The following SPINK8 variants were observed in gnomAD, a reference collection of about 807,000 sequenced individuals.
The protein encoded by SPINK8 is serine peptidase inhibitor Kazal type 8 (putative), also known as serine protease inhibitor Kazal-type 8.
In SPINK8, 12 loss-of-function variants were observed where a neutral mutation model predicts 14.4. The observed-to-expected ratio is 0.83, with a 90% CI of 0.53 to 1.35. SPINK8 has a LOEUF of 1.35. Ranked by LOEUF, SPINK8 falls within the 40% of genes most tolerant of loss-of-function variation. SPINK8 has a pLI of 0.00. For missense variants in SPINK8, 103 were observed against 117.0 expected (o/e 0.88, Z 0.55); for synonymous variants, 32 against 37.6 (o/e 0.85, Z 0.55).
intron 4 of SPINK8, among the ~76,000 whole-genome samples, chr3:48,324,638 C>A (rs2036115984): frequency 6.6e-6 from 1 of 152,070 alleles, no homozygotes; most frequent in African/African-American, 2.4e-5. Flanking sequence ...ATAAACATTT[C>A]TATATAGTAG....
chr3:48,319,423 T>C, intron 6 of SPINK8, 74 bp downstream of exon 6: 1 of 1,559,204 alleles, frequency 6.4e-7, no homozygotes, highest in Non-Finnish European at 8.8e-7. Context: ...GGAAGTGGGC[T>C]GAGGTCATCA....
chr3:48,313,969 A>C (rs895958135), intron 6 of SPINK8, among the ~76,000 whole-genome samples: 3 of 152,200 alleles, frequency 2.0e-5, no homozygotes, highest in African/African-American at 7.2e-5. Context: ...GGGAATGGGA[A>C]GTTAACTGCT....
intron 6 of SPINK8, among the ~76,000 whole-genome samples, chr3:48,314,400 C>T (rs2035959435): frequency 6.6e-6 from 1 of 152,100 alleles, no homozygotes; most frequent in Non-Finnish European, 1.5e-5. Flanking sequence ...ATTGCTGCTT[C>T]TCAGTAAGAA....
intron 6 of SPINK8, among the ~76,000 whole-genome samples, chr3:48,315,246 TC>T (rs1243604697): frequency 6.6e-6 from 1 of 152,192 alleles, no homozygotes; most frequent in Non-Finnish European, 1.5e-5. Context: ...GAATCTGATT[TC>T]CAGAGTTGCC....
At chr3:48,319,432 C>T (rs2036039154) in intron 6 of SPINK8, 65 bp downstream of exon 6, 1 of 1,589,872 alleles carries the variant, frequency 6.3e-7, no homozygotes, top group Admixed American at 1.7e-5. Flanking sequence ...CTGAGGTCAT[C>T]ACCCTCTTTT....
intron 6 of SPINK8, among the ~76,000 whole-genome samples, chr3:48,314,683 C>A (rs1357817319): frequency 6.6e-6 from 1 of 152,132 alleles, no homozygotes; most frequent in East Asian, 1.9e-4. Flanking sequence ...AGCCTTTTCC[C>A]TGGGAAAATT....
chr3:48,332,318 G>A lies in SPINK8; in HGVS notation c.-136+48C>T, dbSNP rs144527084. Among the ~76,000 whole-genome samples the A allele has an allele frequency of 2.0e-3, 300 of 152,194 alleles. 1 individual carries two copies. Among genetic ancestry groups the A allele is most frequent in the African/African-American group, 3.1e-3 (130 of 41,524 alleles). On this transcript the variant is annotated intron_variant, in intron 2 of 7. Coordinates refer to ENST00000434006, the MANE Select transcript of SPINK8 (RefSeq NM_001080525.3). ...TTAAGTTTTGTTCCAGGCCTAAGGC[G>A]GATTTTGAAGTTTTTTTCTAATGTC... is the stretch of plus-strand genomic sequence containing the variant.
intron 6 of SPINK8, among the ~76,000 whole-genome samples, chr3:48,314,817 G>C (rs1250175580): frequency 6.6e-6 from 1 of 152,174 alleles, no homozygotes; most frequent in Non-Finnish European, 1.5e-5. Context: ...GTCCATAGGA[G>C]GTTTTGAAAA....
At chr3:48,312,996 C>CAAAAAA (rs57016387) in intron 6 of SPINK8, among the ~76,000 whole-genome samples, 1 of 122,018 alleles carries the variant, frequency 8.2e-6, no homozygotes, top group Non-Finnish European at 1.7e-5. Flanking sequence ...GACTCTGTCT[C>CAAAAAA]AAAAAAAAAA....
chr3:48,319,618 C>T lies in SPINK8; in HGVS notation c.118G>A (p.Val40Ile). 6.2e-7 allele frequency: 1 copy of T among 1,613,812 alleles called. No homozygotes were observed. Among genetic ancestry groups the T allele is most frequent in the Non-Finnish European group, 8.5e-7 (1 of 1,179,832 alleles). Residue 40 changes from valine (V) to isoleucine (I), a missense_variant and splice_region_variant, in exon 6 of 8, where the codon GTT becomes ATT. Transcript: ENST00000434006. ...TTATTTACATTCTTGAGGCATTCAACCTGAAGGTGAGACACACACAACTGC... is the reference window on the plus strand; with the variant it reads ...TTATTTACATTCTTGAGGCATTCAATCTGAAGGTGAGACACACACAACTGC... ...SERGQLDKTI[V>I]ECLKNVNKCW...
intron 2 of SPINK8, among the ~76,000 whole-genome samples, chr3:48,331,382 A>T (rs1445754607): frequency 2.6e-5 from 4 of 152,012 alleles, no homozygotes; most frequent in African/African-American, 9.7e-5. Context: ...CTTTGGCTTC[A>T]ATATCTGCTT....
intron 4 of SPINK8, among the ~76,000 whole-genome samples, chr3:48,326,500 G>A (rs2036143429): frequency 6.6e-6 from 1 of 151,878 alleles, no homozygotes; most frequent in African/African-American, 2.4e-5. Context: ...CTAGCTACTT[G>A]GAAGGCTGAG....
rs145141749 is a variant in SPINK8 at position 48,330,207 on chromosome 3, A to G, written c.-135-933T>C. On this transcript the variant is annotated intron_variant, in intron 2 of 7. Coordinates refer to ENST00000434006, the MANE Select transcript of SPINK8 (RefSeq NM_001080525.3). ...CTGCTTATATATATTTTTAAGTTAC[A>G]TGTAAAATTTTCCATCAGAAATTTT... Among the ~76,000 whole-genome samples the G allele has an allele frequency of 1.6e-4, 24 of 152,258 alleles. No individual in the cohort carries two copies. The East Asian group carries it at 4.4e-3, about 28-fold the overall frequency.
At chr3:48,318,262 TC>T (rs2036020997) in intron 6 of SPINK8, among the ~76,000 whole-genome samples, 1 of 152,158 alleles carries the variant, frequency 6.6e-6, no homozygotes, top group African/African-American at 2.4e-5. Context: ...TGCCTCATCC[TC>T]CTGAGTAGCT....
chr3:48,317,523 T>G (rs899921033), intron 6 of SPINK8, among the ~76,000 whole-genome samples: 2 of 152,068 alleles, frequency 1.3e-5, no homozygotes, highest in Admixed American at 1.3e-4. Flanking sequence ...TATTTATTTA[T>G]TTATTTATTT....
chr3:48,322,103 C>T, intron 4 of SPINK8, among the ~76,000 whole-genome samples: 1 of 152,076 alleles, frequency 6.6e-6, no homozygotes, highest in Non-Finnish European at 1.5e-5. Flanking sequence ...ATGTAAGCCA[C>T]CATGCCCAGC....
At chr3:48,315,921 T>C (rs1407104070) in intron 6 of SPINK8, among the ~76,000 whole-genome samples, 1 of 151,992 alleles carries the variant, frequency 6.6e-6, no homozygotes, top group Non-Finnish European at 1.5e-5. Flanking sequence ...GAGGGGCTCA[T>C]ATAAGATTTG....
chr3:48,327,204 T>A lies in SPINK8; in HGVS notation c.67+1071A>T, dbSNP rs555353206. Among the ~76,000 whole-genome samples the A allele has an allele frequency of 7.2e-5, 11 of 152,264 alleles. No homozygotes were observed. The East Asian group carries it at 2.1e-3, about 29-fold the overall frequency. The stretch of plus-strand genomic sequence containing the variant: ...GCAGTGGTACATGGGTTAGAGTAAG[T>A]CAAGTTAGAGGCAAAGGGAACGGTT... On this transcript the variant is annotated intron_variant, in intron 4 of 7. Transcript: ENST00000434006.
intron 2 of SPINK8, among the ~76,000 whole-genome samples, chr3:48,331,022 A>G (rs2036250622): frequency 6.6e-6 from 1 of 152,056 alleles, no homozygotes; most frequent in African/African-American, 2.4e-5. Flanking sequence ...GGCCGGTCCA[A>G]GGATCCCTGG....
Sources: allele counts gnomAD v4.1 joint callset (sites outside exome capture counted in the v4.1 genomes callset), GRCh38; gene constraint gnomAD v4.1.1; transcripts MANE v1.5; gene names NCBI Gene and HGNC (gene_info 2026-07-23, HGNC 2026-07-21).